RPS29: variants seen among roughly 807,000 people sequenced by gnomAD.
RPS29 encodes small ribosomal subunit protein uS14.
For missense variants in RPS29, 60 were observed against 75.7 expected, an observed-to-expected ratio of 0.79 and a Z score of 0.77; for synonymous variants, 37 against 26.9, an observed-to-expected ratio of 1.37 and a Z score of -1.16.
upstream of RPS29, among the ~76,000 whole-genome samples, chr14:49,589,993 A>T (rs991843049): frequency 3.3e-5 from 5 of 152,164 alleles, no homozygotes; most frequent in African/African-American, 9.7e-5. Flanking sequence ...AACATTGAAT[A>T]CACATGGACC....
chr14:49,573,824 A>C (rs1249987293), exon 3 of RPS29: 1 of 152,206 alleles, frequency 6.6e-6, no homozygotes, highest in Non-Finnish European at 1.5e-5. Flanking sequence ...AATAAGAGTT[A>C]ATTACCATCA....
downstream of RPS29, chr14:49,583,563 C>T: frequency 7.9e-7 from 1 of 1,267,040 alleles, no homozygotes; most frequent in Non-Finnish European, 1.1e-6. Flanking sequence ...CATTAGAACA[C>T]TCATAAACTG....
chr14:49,586,783 G>A (rs1376789348), upstream of RPS29: 1 of 226,688 alleles, frequency 4.4e-6, no homozygotes, highest in African/African-American at 2.2e-5. Flanking sequence ...GTCGGAAACG[G>A]AGCAGGTCAA....
At chr14:49,583,504 CAAA>C, downstream of RPS29, 2 of 587,780 alleles carry the variant, frequency 3.4e-6, no homozygotes, top group Non-Finnish European at 5.2e-6. Flanking sequence ...GACTCAGTCT[CAAA>C]AAAAAAAAGA....
In RPS29 at chr14:49,583,663, G is replaced by A. The variant is rs978330993; in HGVS notation, c.*4C>T. The A allele has an allele frequency of 1.1e-5, 17 of 1,563,254 alleles. No individual in the cohort carries two copies. Among genetic ancestry groups the A allele is most frequent in the Admixed American group, 1.8e-5 (1 of 56,410 alleles). On this transcript the variant is annotated 3_prime_UTR_variant, in exon 3 of 3. Coordinates refer to ENST00000245458, the MANE Select transcript of RPS29 (RefSeq NM_001032.5). ...CCCCGGATAATCCTCTGAAGGAAGA[G>A]CATTTAGTCCAACTGAAAAAAAAAA...
At chr14:49,598,519 G>C in exon 1 of RPS29, 1 of 702,374 alleles carries the variant, frequency 1.4e-6, no homozygotes, top group East Asian at 2.7e-5. Flanking sequence ...CCAGCAGCCC[G>C]TCCGCGCCGG....
At chr14:49,574,575 C>T (rs370781596) in exon 3 of RPS29, 12 of 152,314 alleles carry the variant, frequency 7.9e-5, no homozygotes, top group African/African-American at 2.9e-4. Context: ...TCTCTCCCTA[C>T]GTCTCCAGAT....
At chr14:49,581,039 G>C (rs909820927), downstream of RPS29, among the ~76,000 whole-genome samples, 21 of 151,734 alleles carry the variant, frequency 1.4e-4, no homozygotes, top group Non-Finnish European at 2.2e-4. Flanking sequence ...AATACAAAAT[G>C]AGCCGGGCAT....
At chr14:49,585,757 C>A in intron 2 of RPS29, 193 bp downstream of exon 2, 1 of 577,572 alleles carries the variant, frequency 1.7e-6, no homozygotes, top group South Asian at 2.2e-5. Flanking sequence ...TTCACCTTCT[C>A]CATTCTATTA....
chr14:49,583,508 A>G, downstream of RPS29: 5 of 783,352 alleles, frequency 6.4e-6, no homozygotes, highest in South Asian at 1.2e-4. Context: ...CAGTCTCAAA[A>G]AAAAAAAGAA....
chr14:49,592,769 G>A (rs141247922), intron 1 of RPS29, among the ~76,000 whole-genome samples: 11 of 151,610 alleles, frequency 7.3e-5, no homozygotes, highest in South Asian at 2.1e-4. Flanking sequence ...TTAGCCCGGC[G>A]TGGTGGTGCA....
chr14:49,594,292 A>G (rs1045782276), intron 1 of RPS29, among the ~76,000 whole-genome samples: 7 of 152,118 alleles, frequency 4.6e-5, no homozygotes, highest in Non-Finnish European at 7.4e-5. Flanking sequence ...AAATTTTTCA[A>G]AGGTTTTCCA....
intron 2 of RPS29, among the ~76,000 whole-genome samples, chr14:49,578,440 T>C (rs1007128032): frequency 1.6e-4 from 25 of 152,300 alleles, no homozygotes; most frequent in South Asian, 1.2e-3. Context: ...CTGATTTTTT[T>C]CCCTGTGTAC....
intron 1 of RPS29, among the ~76,000 whole-genome samples, chr14:49,593,692 C>CAAAAAAAAAAA (rs10647593): frequency 5.3e-5 from 3 of 56,300 alleles, no homozygotes; most frequent in African/African-American, 6.4e-5. Context: ...GACTCTGTCT[C>CAAAAAAAAAAA]AAAAAAAAAA....
At chr14:49,584,745 G>C (rs931132397) in intron 2 of RPS29, among the ~76,000 whole-genome samples, 1 of 150,590 alleles carries the variant, frequency 6.6e-6, no homozygotes, top group African/African-American at 2.5e-5. Context: ...CTGGGAAACA[G>C]AGGGAGACCC....
upstream of RPS29, among the ~76,000 whole-genome samples, chr14:49,590,714 G>A (rs562031868): frequency 1.2e-4 from 17 of 147,772 alleles, no homozygotes; most frequent in East Asian, 2.2e-3. Flanking sequence ...TTTTTGAGAC[G>A]GAGTCTCACT....
At chr14:49,574,495 A>C (rs528225454) in exon 3 of RPS29, 1 of 152,166 alleles carries the variant, frequency 6.6e-6, no homozygotes, top group Non-Finnish European at 1.5e-5. Flanking sequence ...ATCCTGCATT[A>C]CTGGTGGCAG....
chr14:49,586,552 T>C (rs1881566674), upstream of RPS29: 2 of 593,702 alleles, frequency 3.4e-6, no homozygotes, highest in Non-Finnish European at 6.1e-6. Flanking sequence ...CCACAGCTTC[T>C]AGTGCTATTC....
upstream of RPS29, chr14:49,586,541 A>G (rs1324364798): frequency 3.3e-6 from 2 of 607,640 alleles, no homozygotes; most frequent in Non-Finnish European, 5.9e-6. Flanking sequence ...ACGTCACCAT[A>G]CCACAGCTTC....
Sources: gnomAD v4.1 joint callset for allele counts (sites outside exome capture counted in the v4.1 genomes callset) on GRCh38, gnomAD v4.1.1 for gene constraint, MANE v1.5 for transcripts, NCBI Gene and HGNC (gene_info 2026-07-23, HGNC 2026-07-21) for gene names.